Variants in KCNN3 observed in about 807,000 individuals in gnomAD.
KCNN3 encodes small conductance calcium-activated potassium channel protein 3.
Under a neutral mutation model 62.9 loss-of-function variants are expected in KCNN3, and 16 were observed. That is an observed-to-expected ratio of 0.25 (90% CI 0.17 to 0.39). KCNN3 has a LOEUF of 0.39. Ranked by LOEUF, KCNN3 falls within the 10% of genes least tolerant of loss-of-function variation. KCNN3 has a pLI of 1.00. For synonymous variants in KCNN3, 370 were observed against 389.2 expected (o/e 0.95, Z 0.58); for missense variants, 599 against 949.4 (o/e 0.63, Z 4.85).
rs756598163 is a variant in KCNN3, at chr1:154,869,266, C to G, written c.699G>C (p.Leu233=). 11 of 1,613,646 alleles carry G rather than the reference C, an allele frequency of 6.8e-6. No homozygotes were observed. The highest frequency in any genetic ancestry group is 8.5e-7 in the Non-Finnish European group (1 of 1,179,918). Residue 233 remains leucine, a synonymous_variant, in exon 1 of 8, where the codon CTG becomes CTC. Coordinates refer to ENST00000271915, the MANE Select transcript of KCNN3 (RefSeq NM_002249.6). This position sits in a 1 kb window ranked among gnomAD's most constrained non-coding sequence, Gnocchi z 6.1. ...TGTGGGTGGCATTAGGGTGATGGAG[C>G]AGGGTCTGGTGGGCATGGTTGTCCT... ...SREDNHAHQT[L]LHHPNATHNH...
intron 2 of KCNN3, among the ~76,000 whole-genome samples, chr1:154,788,986 T>C (rs951789898): frequency 6.6e-6 from 1 of 152,224 alleles, no homozygotes; most frequent in African/African-American, 2.4e-5. Flanking sequence ...ACTCATTTCT[T>C]ATTGCTGCTG....
At chr1:154,827,007 C>T (rs934228853) in intron 1 of KCNN3, among the ~76,000 whole-genome samples, 13 of 152,132 alleles carry the variant, frequency 8.5e-5, no homozygotes, top group Non-Finnish European at 1.8e-4. Context: ...GGTCCATTCA[C>T]GATTTCTGTC....
At chr1:154,834,931 C>T (rs781577370) in intron 1 of KCNN3, among the ~76,000 whole-genome samples, 1 of 152,186 alleles carries the variant, frequency 6.6e-6, no homozygotes, top group Non-Finnish European at 1.5e-5. Flanking sequence ...CCACTGAAGC[C>T]AGATTTGCTA....
intron 1 of KCNN3, among the ~76,000 whole-genome samples, chr1:154,833,109 C>T (rs933073245): frequency 7.9e-5 from 12 of 152,134 alleles, no homozygotes; most frequent in African/African-American, 2.7e-4. Flanking sequence ...TTGCCTCTGT[C>T]TGCACCAGAA....
At chr1:154,860,466 C>T (rs902404871) in intron 1 of KCNN3, among the ~76,000 whole-genome samples, 2 of 152,184 alleles carry the variant, frequency 1.3e-5, no homozygotes, top group African/African-American at 4.8e-5. Context: ...TCTGCCCAGA[C>T]CACAAATTGC....
intron 1 of KCNN3, among the ~76,000 whole-genome samples, chr1:154,836,813 C>T (rs914864759): frequency 2.0e-5 from 3 of 152,208 alleles, no homozygotes; most frequent in Non-Finnish European, 4.4e-5. Flanking sequence ...CCTCCAGGCT[C>T]AGGGCTGCTT....
chr1:154,855,043 C>T (rs1385962696), intron 1 of KCNN3, among the ~76,000 whole-genome samples: 3 of 152,050 alleles, frequency 2.0e-5, no homozygotes, highest in Admixed American at 2.0e-4. Flanking sequence ...CATGGAGAAA[C>T]TTTGTCTCTA....
intron 1 of KCNN3, among the ~76,000 whole-genome samples, chr1:154,835,621 G>A (rs1357535986): frequency 5.9e-5 from 9 of 152,156 alleles, no homozygotes; most frequent in Non-Finnish European, 8.8e-5. Context: ...GGACAATCAC[G>A]GCCATGTGCC....
chr1:154,840,854 GC>G (rs1651793822), intron 1 of KCNN3, among the ~76,000 whole-genome samples: 1 of 152,152 alleles, frequency 6.6e-6, no homozygotes. Context: ...CCACGCCTCT[GC>G]CCCCACCAAC....
chr1:154,756,995 G>A lies in KCNN3; in HGVS notation c.1448+14980C>T, dbSNP rs147213470. ...AGCTCAGAGAGAGGCGTGGCTCAAT[G>A]CTCCACTTGGGATGCATGGATGCAT... On this transcript the variant is annotated intron_variant, in intron 3 of 7. Transcript: ENST00000271915. Among the ~76,000 whole-genome samples the A allele has an allele frequency of 2.6e-5, 4 of 152,298 alleles. No individual in the cohort carries two copies. The East Asian group carries it at 7.7e-4, about 29-fold the overall frequency.
intron 5 of KCNN3, 50 bp from the exon 6 acceptor site, chr1:154,715,053 T>C: frequency 6.2e-7 from 1 of 1,609,426 alleles, no homozygotes; most frequent in Non-Finnish European, 8.5e-7. Flanking sequence ...TTTTCTTAGG[T>C]TCATTTTTGT....
At chr1:154,814,090 T>C (rs914312254) in intron 2 of KCNN3, among the ~76,000 whole-genome samples, 6 of 152,104 alleles carry the variant, frequency 3.9e-5, no homozygotes, top group Admixed American at 1.3e-4. Context: ...AGGGCCATGG[T>C]GGGCATGGCC....
At chr1:154,764,635 G>A (rs1435723094) in intron 3 of KCNN3, among the ~76,000 whole-genome samples, 3 of 152,182 alleles carry the variant, frequency 2.0e-5, no homozygotes, top group Non-Finnish European at 4.4e-5. Flanking sequence ...CATCTGGCAT[G>A]CTTTTACTAA....
At chr1:154,709,877 C>CTGGGTTG (rs2101756745) in intron 7 of KCNN3, among the ~76,000 whole-genome samples, 1 of 152,320 alleles carries the variant, frequency 6.6e-6, no homozygotes, top group East Asian at 1.9e-4. Flanking sequence ...GTCCAGGCCC[C>CTGGGTTG]TGGGTTGTGG....
chr1:154,819,955 T>C (rs1350117465), intron 2 of KCNN3, among the ~76,000 whole-genome samples: 1 of 152,238 alleles, frequency 6.6e-6, no homozygotes, highest in Non-Finnish European at 1.5e-5. Flanking sequence ...AAGTGGGTGA[T>C]GTGGTTCCCA....
chr1:154,770,205 C>G (rs1007776441), intron 3 of KCNN3, among the ~76,000 whole-genome samples: 6 of 152,178 alleles, frequency 3.9e-5, no homozygotes, highest in African/African-American at 1.4e-4. Flanking sequence ...CATGGTGTGT[C>G]CCTGGGGCTC....
intron 2 of KCNN3, among the ~76,000 whole-genome samples, chr1:154,779,060 C>G (rs1431788279): frequency 3.9e-5 from 6 of 152,146 alleles, no homozygotes; most frequent in African/African-American, 1.4e-4. Flanking sequence ...TTCACCCCAG[C>G]CTGCAGCCAG....
chr1:154,751,532 C>T (rs1454442920), intron 3 of KCNN3, among the ~76,000 whole-genome samples: 1 of 152,250 alleles, frequency 6.6e-6, no homozygotes, highest in East Asian at 1.9e-4. Context: ...CTTCTGATGG[C>T]TCCTAACCCA....
intron 2 of KCNN3, among the ~76,000 whole-genome samples, chr1:154,799,681 C>T (rs1571288164): frequency 1.3e-5 from 2 of 152,230 alleles, no homozygotes; most frequent in Admixed American, 1.3e-4. Flanking sequence ...TCCACTGCCT[C>T]CTTCCTGAAT....
Sources: gnomAD v4.1 joint callset for allele counts (sites outside exome capture counted in the v4.1 genomes callset) on GRCh38, gnomAD v4.1.1 for gene constraint, Gnocchi (gnomAD v3.1) non-coding constraint, MANE v1.5 for transcripts, NCBI Gene and HGNC (gene_info 2026-07-23, HGNC 2026-07-21) for gene names.